Variants in SULT4A1 observed in about 807,000 individuals in gnomAD.
The protein encoded by SULT4A1 is sulfotransferase 4A1.
In SULT4A1, 11 loss-of-function variants were observed where a neutral mutation model predicts 35.2. The ratio of observed to expected loss-of-function variants is 0.31; its 90% CI spans 0.20 to 0.52. The LOEUF is 0.52. SULT4A1 is among the 20% of genes least tolerant of loss of function. The probability of loss-of-function intolerance (pLI) is 0.97; values close to 1 mark genes in which losing one functional copy is unlikely to be tolerated. For missense variants in SULT4A1, 271 were observed against 383.7 expected (o/e 0.71, Z 2.45); for synonymous variants, 152 against 151.8 (o/e 1.00, Z -0.01).
rs1465119847 is a variant in SULT4A1 at position 43,825,017 on chromosome 22, A to T, written c.*984T>A. 6.6e-6 allele frequency: 1 copy of T among 152,244 alleles called. No homozygotes were observed. Among genetic ancestry groups the T allele is most frequent in the East Asian group, 1.9e-4 (1 of 5,200 alleles). The allele number at this position is 152,244 out of a possible 1,614,324, so 9.4% of individuals were successfully genotyped here. A position where few individuals can be genotyped will look rare whatever the true frequency, so the allele number is the denominator to read the frequency against. ...CGGCCGTGCCAACCTGATCCGAGTGAAACAGGGCTACACTCGCAAAATGGT... is the reference window on the plus strand; with the variant it reads ...CGGCCGTGCCAACCTGATCCGAGTGTAACAGGGCTACACTCGCAAAATGGT... On this transcript the variant is annotated 3_prime_UTR_variant, in exon 7 of 7. Transcript: ENST00000330884.
intron 1 of SULT4A1, among the ~76,000 whole-genome samples, chr22:43,853,823 C>G (rs2049371027): frequency 6.6e-6 from 1 of 152,248 alleles, no homozygotes; most frequent in African/African-American, 2.4e-5. Context: ...GCTGGCACAG[C>G]AAGCAGAGCG....
intron 1 of SULT4A1, among the ~76,000 whole-genome samples, chr22:43,856,440 A>AG (rs2148307198): frequency 6.6e-6 from 1 of 152,324 alleles, no homozygotes; most frequent in Non-Finnish European, 1.5e-5. Context: ...CACTCAGAGG[A>AG]GGGCAGGATC....
chr22:43,847,624 C>T (rs2063485100), intron 1 of SULT4A1, among the ~76,000 whole-genome samples: 1 of 151,844 alleles, frequency 6.6e-6, no homozygotes, highest in Non-Finnish European at 1.5e-5. Context: ...CCTTCCAAGC[C>T]CAGCGCCCCA....
intron 1 of SULT4A1, among the ~76,000 whole-genome samples, chr22:43,848,711 G>T (rs1426009234): frequency 6.6e-6 from 1 of 152,166 alleles, no homozygotes; most frequent in African/African-American, 2.4e-5. Context: ...GGCCACACTG[G>T]GCCCCTTGCA....
intron 4 of SULT4A1, among the ~76,000 whole-genome samples, chr22:43,834,383 C>G (rs1236330290): frequency 1.1e-5 from 1 of 93,508 alleles, no homozygotes; most frequent in African/African-American, 4.6e-5. Context: ...CTGAGCTTCC[C>G]GCGCCCCCAC....
At chr22:43,831,415 G>A (rs376484386) in intron 5 of SULT4A1, among the ~76,000 whole-genome samples, 2 of 152,156 alleles carry the variant, frequency 1.3e-5, no homozygotes, top group African/African-American at 4.8e-5. Flanking sequence ...TGGCAAAATA[G>A]TGACCAGCTG....
intron 1 of SULT4A1, among the ~76,000 whole-genome samples, chr22:43,861,331 CA>C (rs2049466107): frequency 6.6e-6 from 1 of 152,198 alleles, no homozygotes; most frequent in African/African-American, 2.4e-5. Context: ...GTGATTGCCT[CA>C]AATACAGTGG....
chr22:43,849,233 A>C (rs2063495473), intron 1 of SULT4A1, among the ~76,000 whole-genome samples: 1 of 152,136 alleles, frequency 6.6e-6, no homozygotes, highest in African/African-American at 2.4e-5. Context: ...CTGTGGCTGA[A>C]ACCCTCTGAT....
Position 43,862,209 on chromosome 22 carries a change from C to A in SULT4A1, c.169+5G>T. ...CGTGGCGGGCGCGGTCGGCGCGGGG[C>A]TCACCGGACTTGGGGTAGGTGACGA... On this transcript the variant is annotated splice_donor_5th_base_variant and intron_variant, in intron 1 of 6. Coordinates refer to ENST00000330884, the MANE Select transcript of SULT4A1 (RefSeq NM_014351.4). 6.5e-7 allele frequency: 1 copy of A among 1,540,790 alleles called. No homozygotes were observed. The highest frequency in any genetic ancestry group is 8.7e-7 in the Non-Finnish European group (1 of 1,144,040).
At chr22:43,831,400 A>G (rs968510974) in intron 5 of SULT4A1, among the ~76,000 whole-genome samples, 3 of 151,544 alleles carry the variant, frequency 2.0e-5, no homozygotes, top group Non-Finnish European at 2.9e-5. Context: ...ATGCTATGTC[A>G]TTGGTGGCAA....
intron 3 of SULT4A1, among the ~76,000 whole-genome samples, 166 bp downstream of exon 3, chr22:43,839,779 C>T (rs2063409469): frequency 6.6e-6 from 1 of 152,096 alleles, no homozygotes; most frequent in Non-Finnish European, 1.5e-5. Flanking sequence ...ATGCTAGAGA[C>T]GCATGACCCA....
chr22:43,858,218 G>A (rs2049425756), intron 1 of SULT4A1, among the ~76,000 whole-genome samples: 1 of 152,168 alleles, frequency 6.6e-6, no homozygotes, highest in Admixed American at 6.5e-5. Flanking sequence ...ACTTTGGGAG[G>A]CCAAGGCAGG....
rs376147023 is a variant in SULT4A1 at position 43,862,268 on chromosome 22, C to A, written c.115G>T (p.Ala39Ser). 6.4e-7 allele frequency: 1 copy of A among 1,569,492 alleles called. No homozygotes were observed. The highest frequency in any genetic ancestry group is 8.6e-7 in the Non-Finnish European group (1 of 1,157,180). Residue 39 changes from alanine (A) to serine (S), a missense_variant, in exon 1 of 7, where the codon GCC (alanine) becomes TCC (serine). Around this residue, in one of 3 missense-constraint regions of SULT4A1, gnomAD observed 164 missense variants for 254.1 expected, o/e 0.65. Transcript: ENST00000330884. ...PFCRGKMEEI[A>S]NFPVRPSDVW... ...TCGCTGGGCCGCACCGGGAAGTTGGCGATCTCCTCCATCTTCCCGCGGCAG... is the reference window on the plus strand; with the variant it reads ...TCGCTGGGCCGCACCGGGAAGTTGGAGATCTCCTCCATCTTCCCGCGGCAG...
intron 2 of SULT4A1, 98 bp from the exon 3 acceptor site, chr22:43,840,123 G>A: frequency 2.3e-6 from 2 of 851,506 alleles, no homozygotes. Context: ...GAAGGAAGGG[G>A]TGGGGTTCAG....
chr22:43,828,002 C>T (rs144659540), intron 6 of SULT4A1, among the ~76,000 whole-genome samples: 36 of 152,330 alleles, frequency 2.4e-4, no homozygotes, highest in African/African-American at 6.7e-4. Flanking sequence ...ACCTTCAAAC[C>T]GCCCTTAGCC....
intron 5 of SULT4A1, among the ~76,000 whole-genome samples, chr22:43,829,766 C>A (rs1468687384): frequency 6.6e-6 from 1 of 152,078 alleles, no homozygotes; most frequent in African/African-American, 2.4e-5. Context: ...CATTCCCCAG[C>A]CCCCCACCCC....
chr22:43,843,475 G>C (rs1225933746), intron 1 of SULT4A1, among the ~76,000 whole-genome samples: 1 of 152,214 alleles, frequency 6.6e-6, no homozygotes, highest in Non-Finnish European at 1.5e-5. Context: ...TGTGGGTCAT[G>C]AGACCCCCAG....
intron 1 of SULT4A1, among the ~76,000 whole-genome samples, chr22:43,861,756 G>A (rs1032723754): frequency 6.6e-6 from 1 of 152,208 alleles, no homozygotes; most frequent in African/African-American, 2.4e-5. Context: ...ACGTTTCCAC[G>A]CTGAAAGCCC....
intron 6 of SULT4A1, chr22:43,828,718 C>T (rs1159514157): frequency 1.5e-5 from 4 of 263,634 alleles, no homozygotes; most frequent in Non-Finnish European, 2.9e-5. Context: ...AAACCCAGTC[C>T]CTGGATCTGC....
Sources: allele counts gnomAD v4.1 joint callset (sites outside exome capture counted in the v4.1 genomes callset), GRCh38; gene constraint gnomAD v4.1.1; regional missense constraint gnomAD v4.1.1; transcripts MANE v1.5; gene names NCBI Gene and HGNC (gene_info 2026-07-23, HGNC 2026-07-21).